The following CDH13 variants were observed in gnomAD, a reference collection of about 807,000 sequenced individuals.
CDH13 encodes cadherin-13.
CDH13 carries 24 observed loss-of-function variants against 63.8 expected under a neutral mutation model. The observed-to-expected ratio is 0.38, with a 90% CI of 0.27 to 0.53. The LOEUF is 0.53. Ranked by LOEUF, CDH13 falls within the 20% of genes least tolerant of loss-of-function variation. The pLI is 0.85. For missense variants in CDH13, 1,049 were observed against 903.1 expected (o/e 1.16, Z -2.07); for synonymous variants, 503 against 355.3 (o/e 1.42, Z -4.67).
rs776821808 is a variant in CDH13 at position 83,327,213 on chromosome 16, T to C, written c.637-17649T>C. On this transcript the variant is annotated intron_variant, in intron 5 of 13. Transcript: ENST00000567109. Reference sequence around the variant, plus strand: ...TAGTAATACACGTGTGAGAACAAAATCATATACTATCAGTCACTGCCACAC... The same window carrying C: ...TAGTAATACACGTGTGAGAACAAAACCATATACTATCAGTCACTGCCACAC... 1.4e-3 allele frequency among the ~76,000 whole-genome samples: 209 copies of C among 152,350 alleles called. 1 individual carries two copies. Among genetic ancestry groups the C allele is most frequent in the Non-Finnish European group, 2.5e-3 (171 of 68,038 alleles).
intron 2 of CDH13, among the ~76,000 whole-genome samples, chr16:82,968,629 C>T (rs1405380272): frequency 6.6e-6 from 1 of 152,144 alleles, no homozygotes; most frequent in African/African-American, 2.4e-5. Flanking sequence ...TTCCAAGACC[C>T]ATCTCTCCTT....
chr16:82,649,426 G>C (rs971809272), intron 1 of CDH13, among the ~76,000 whole-genome samples: 1 of 152,178 alleles, frequency 6.6e-6, no homozygotes, highest in Non-Finnish European at 1.5e-5. Flanking sequence ...GAAGGAAGTG[G>C]CAGATAGTCT....
intron 4 of CDH13, among the ~76,000 whole-genome samples, chr16:83,177,214 A>C (rs9923458): frequency 0.016 from 2,484 of 152,282 alleles, 79 homozygotes; most frequent in African/African-American, 0.056. Context: ...TCAAATACTC[A>C]GATCTTTGCC....
At chr16:83,570,860 A>G (rs1904538550) in intron 7 of CDH13, among the ~76,000 whole-genome samples, 1 of 139,786 alleles carries the variant, frequency 7.2e-6, no homozygotes, top group Admixed American at 7.6e-5. Flanking sequence ...ATAAATATAA[A>G]TATATTTATA....
At chr16:83,666,550 G>A (rs1313685675) in intron 8 of CDH13, among the ~76,000 whole-genome samples, 1 of 152,156 alleles carries the variant, frequency 6.6e-6, no homozygotes, top group African/African-American at 2.4e-5. Context: ...ATGGCCCACA[G>A]GGCCCTGCAT....
intron 10 of CDH13, among the ~76,000 whole-genome samples, chr16:83,713,664 T>C (rs77757563): frequency 0.012 from 1,836 of 152,206 alleles, 45 homozygotes; most frequent in African/African-American, 0.043. Flanking sequence ...GGAAAGTGAA[T>C]TGATGTATCT....
intron 10 of CDH13, among the ~76,000 whole-genome samples, chr16:83,739,704 G>A (rs1349155742): frequency 6.6e-6 from 1 of 152,134 alleles, no homozygotes; most frequent in African/African-American, 2.4e-5. Context: ...ACCTGCCTAT[G>A]GGGGAGGGAT....
chr16:83,122,934 TC>T (rs952639387), intron 3 of CDH13, among the ~76,000 whole-genome samples: 4 of 151,814 alleles, frequency 2.6e-5, no homozygotes, highest in African/African-American at 9.7e-5. Flanking sequence ...CCTCCCACCC[TC>T]CCACTTTCCG....
intron 2 of CDH13, among the ~76,000 whole-genome samples, chr16:82,879,171 A>G (rs1377460800): frequency 6.6e-6 from 1 of 152,128 alleles, no homozygotes; most frequent in Non-Finnish European, 1.5e-5. Context: ...TATTGGTGGC[A>G]GGCAGATGCC....
chr16:82,819,541 C>G (rs538526753), intron 1 of CDH13, among the ~76,000 whole-genome samples: 2 of 152,080 alleles, frequency 1.3e-5, no homozygotes, highest in African/African-American at 4.8e-5. Context: ...TCTGGGCTAC[C>G]CCTCCCTTTC....
intron 8 of CDH13, among the ~76,000 whole-genome samples, chr16:83,662,067 G>A (rs1304037001): frequency 1.3e-5 from 2 of 152,170 alleles, no homozygotes. Context: ...TCAGTGAGGG[G>A]GACATTAGTA....
intron 11 of CDH13, among the ~76,000 whole-genome samples, chr16:83,777,764 C>T (rs1915223003): frequency 6.6e-6 from 1 of 152,166 alleles, no homozygotes; most frequent in Non-Finnish European, 1.5e-5. Context: ...TTCTAACCCC[C>T]GTGTAACCTG....
At chr16:82,994,217 C>A (rs1017232423) in intron 2 of CDH13, among the ~76,000 whole-genome samples, 3 of 152,202 alleles carry the variant, frequency 2.0e-5, no homozygotes, top group African/African-American at 7.2e-5. Context: ...TTGTGCATCA[C>A]ACTCACTGGC....
At chr16:83,181,365 C>T (rs995736032) in intron 4 of CDH13, among the ~76,000 whole-genome samples, 1 of 152,168 alleles carries the variant, frequency 6.6e-6, no homozygotes, top group South Asian at 2.1e-4. Context: ...CACTGGACCT[C>T]CTTGCTAACA....
At chr16:83,053,386 C>G (rs531883468) in intron 3 of CDH13, among the ~76,000 whole-genome samples, 4 of 152,192 alleles carry the variant, frequency 2.6e-5, no homozygotes, top group South Asian at 2.1e-4. Context: ...CAGACAACCT[C>G]TCTCCTGGGG....
chr16:83,549,326 C>G (rs1193992468), intron 7 of CDH13, among the ~76,000 whole-genome samples: 3 of 152,172 alleles, frequency 2.0e-5, no homozygotes, highest in Non-Finnish European at 4.4e-5. Context: ...TGCAAAGCAC[C>G]TATTTGGAAG....
chr16:83,045,408 G>A (rs182585497), intron 3 of CDH13, among the ~76,000 whole-genome samples: 4 of 152,170 alleles, frequency 2.6e-5, no homozygotes, highest in Admixed American at 2.0e-4. Flanking sequence ...GGAGACTGAG[G>A]CAGGTGGATC....
At chr16:82,746,787 C>T (rs186634283) in intron 1 of CDH13, among the ~76,000 whole-genome samples, 15 of 152,166 alleles carry the variant, frequency 9.9e-5, no homozygotes, top group South Asian at 2.1e-4. Context: ...TTGCAAGAGT[C>T]GTACCATAGT....
chr16:83,647,426 A>G lies in CDH13; in HGVS notation c.1102-23364A>G, dbSNP rs966631916. Among the ~76,000 whole-genome samples, 6 of 152,156 alleles carry G rather than the reference A, an allele frequency of 3.9e-5. No homozygotes were observed. In the South Asian group the frequency reaches 1.2e-3, roughly 32 times the overall value. On this transcript the variant is annotated intron_variant, in intron 8 of 13. Coordinates refer to ENST00000567109, the MANE Select transcript of CDH13 (RefSeq NM_001257.5). ...CTTACCTTTCTGTTTTGTTTGTGAAAGTTTCTCCCCCATTTTGCTTGTGCT... is the reference window on the plus strand; with the variant it reads ...CTTACCTTTCTGTTTTGTTTGTGAAGGTTTCTCCCCCATTTTGCTTGTGCT...
Sources: gnomAD v4.1 joint callset for allele counts (sites outside exome capture counted in the v4.1 genomes callset) on GRCh38, gnomAD v4.1.1 for gene constraint, MANE v1.5 for transcripts, NCBI Gene and HGNC (gene_info 2026-07-23, HGNC 2026-07-21) for gene names.